The following PRIM2 variants were observed in gnomAD, a reference collection of about 807,000 sequenced individuals.
PRIM2 encodes DNA primase subunit 2, also known as DNA primase large subunit.
A neutral mutation model predicts 67.3 loss-of-function variants in PRIM2; 39 were observed. That is an observed-to-expected ratio of 0.58 (90% confidence interval 0.45 to 0.76). PRIM2 has a LOEUF of 0.76. Among genes scored for constraint, PRIM2 ranks in the 30% least tolerant of loss-of-function variants. The pLI, the probability that PRIM2 is intolerant of heterozygous loss-of-function variation, is 0.00. For missense variants in PRIM2, 398 were observed against 598.7 expected (o/e 0.66, Z 3.50); for synonymous variants, 143 against 198.7 (o/e 0.72, Z 2.36).
At chr6:57,361,770 T>C (rs1769209356) in intron 5 of PRIM2, among the ~76,000 whole-genome samples, 1 of 152,132 alleles carries the variant, frequency 6.6e-6, no homozygotes, top group African/African-American at 2.4e-5. Context: ...CATTGTGTTG[T>C]ATGTTATGGA....
chr6:57,582,762 A>G (rs1370427328), intron 10 of PRIM2, among the ~76,000 whole-genome samples: 85 of 140,752 alleles, frequency 6.0e-4, no homozygotes, highest in African/African-American at 2.4e-3. Context: ...CTCCATTTAT[A>G]ATTTTATAAT....
intron 10 of PRIM2, among the ~76,000 whole-genome samples, chr6:57,598,054 T>C (rs1379362197): frequency 6.6e-6 from 1 of 152,206 alleles, no homozygotes; most frequent in Non-Finnish European, 1.5e-5. Flanking sequence ...GCCATTTCAC[T>C]CTAGTTATTA....
the PRIM2 span, among the ~76,000 whole-genome samples, chr6:57,283,056 G>A: frequency 2.0e-5 from 3 of 152,064 alleles, no homozygotes; most frequent in Admixed American, 1.3e-4. Context: ...TATTGGCACA[G>A]CTATTACTCT....
chr6:57,427,207 T>C (rs1356441177), intron 7 of PRIM2, among the ~76,000 whole-genome samples: 8 of 152,234 alleles, frequency 5.3e-5, no homozygotes, highest in African/African-American at 1.7e-4. Flanking sequence ...GTTTTCTTAT[T>C]TTCCAGATTT....
intron 10 of PRIM2, among the ~76,000 whole-genome samples, chr6:57,567,527 C>A (rs1486324347): frequency 6.6e-6 from 1 of 152,070 alleles, no homozygotes; most frequent in Non-Finnish European, 1.5e-5. Flanking sequence ...CAGGACATAA[C>A]CCCACCATAA....
chr6:57,545,910 T>C (rs1775280936), intron 10 of PRIM2, among the ~76,000 whole-genome samples: 1 of 152,158 alleles, frequency 6.6e-6, no homozygotes, highest in Admixed American at 6.5e-5. Context: ...CCAGTGTAAT[T>C]GTGGCAAGAG....
chr6:57,352,502 G>C (rs1768889880), intron 5 of PRIM2, among the ~76,000 whole-genome samples: 1 of 152,142 alleles, frequency 6.6e-6, no homozygotes, highest in South Asian at 2.1e-4. Context: ...GCCTCCCAAA[G>C]AGCTGGGATT....
intron 10 of PRIM2, among the ~76,000 whole-genome samples, chr6:57,548,376 A>G (rs1181023361): frequency 6.6e-6 from 1 of 152,168 alleles, no homozygotes; most frequent in Non-Finnish European, 1.5e-5. Context: ...GTCAGGAAGG[A>G]AAGAAATAGA....
At position 57,534,092 on chromosome 6, in the gene PRIM2, G is replaced by A. The variant is rs1171353437; in HGVS notation, c.834+1609G>A. 4.6e-5 allele frequency among the ~76,000 whole-genome samples: 7 copies of A among 152,204 alleles called. No homozygotes were observed. The East Asian group carries it at 1.4e-3, about 29-fold the overall frequency. On this transcript the variant is annotated intron_variant, in intron 9 of 13. Coordinates refer to ENST00000615550, the MANE Select transcript of PRIM2 (RefSeq NM_000947.5). ...AACTCTTCTCCAAATGTTTTCTTTA[G>A]TTTTTTCTTCTAACAAATCTGGCTT...
At chr6:57,586,598 G>A (rs1352116967) in intron 10 of PRIM2, among the ~76,000 whole-genome samples, 5 of 152,170 alleles carry the variant, frequency 3.3e-5, no homozygotes, top group African/African-American at 1.2e-4. Flanking sequence ...TATTTGTCTG[G>A]TTTAAAATGG....
intron 7 of PRIM2, among the ~76,000 whole-genome samples, chr6:57,405,951 T>A (rs1264383602): frequency 3.3e-5 from 5 of 152,210 alleles, no homozygotes; most frequent in Non-Finnish European, 2.9e-5. Context: ...TCAACTAAAA[T>A]CAGTTCAGAG....
In PRIM2 at chr6:57,397,300, T is replaced by A. The variant is rs112467062; in HGVS notation, c.693+15132T>A. On this transcript the variant is annotated intron_variant, in intron 7 of 13. Transcript: ENST00000615550. ...GAATTGTCTTCTTTCTCAGGAACACTGATTATTCTTAGGTTTGCTTGTTTA... is the reference window on the plus strand; with the variant it reads ...GAATTGTCTTCTTTCTCAGGAACACAGATTATTCTTAGGTTTGCTTGTTTA... Among the ~76,000 whole-genome samples the A allele has an allele frequency of 1.3e-3, 196 of 152,302 alleles. 3 individuals are homozygous for A. The highest frequency in any genetic ancestry group is 1.8e-4 in the Non-Finnish European group (12 of 68,004).
chr6:57,299,843 A>C, the PRIM2 span, among the ~76,000 whole-genome samples: 1,855 of 152,238 alleles, frequency 0.012, 33 homozygotes, highest in African/African-American at 0.043. Context: ...TGGAATAATA[A>C]ATACATAAAT....
chr6:57,273,290 A>G, the PRIM2 span, among the ~76,000 whole-genome samples: 1 of 152,090 alleles, frequency 6.6e-6, no homozygotes, highest in Non-Finnish European at 1.5e-5. Context: ...TGGTCTTTTC[A>G]CATAGTCCCA....
intron 3 of PRIM2, among the ~76,000 whole-genome samples, chr6:57,322,961 G>A (rs183807569): frequency 4.6e-4 from 70 of 152,228 alleles, no homozygotes; most frequent in African/African-American, 1.5e-3. Context: ...ATTTTGTGTC[G>A]AATCTCAACA....
At chr6:57,231,077 A>G in the PRIM2 span, among the ~76,000 whole-genome samples, 201 of 152,300 alleles carry the variant, frequency 1.3e-3, 3 homozygotes, top group Non-Finnish European at 1.9e-4. Context: ...TTTTTTGGTT[A>G]TCTTAATGAC....
At chr6:57,334,633 G>A (rs74504449) in intron 5 of PRIM2, among the ~76,000 whole-genome samples, 2,608 of 151,950 alleles carry the variant, frequency 0.017, 34 homozygotes, top group Non-Finnish European at 0.029. Context: ...GCCCACCCTG[G>A]GCTACAGAAC....
intron 5 of PRIM2, among the ~76,000 whole-genome samples, chr6:57,362,030 CAT>C (rs1271350083): frequency 6.6e-6 from 1 of 152,078 alleles, no homozygotes; most frequent in Non-Finnish European, 1.5e-5. Context: ...GATGGAATAT[CAT>C]GTGCCAACTG....
the PRIM2 span, among the ~76,000 whole-genome samples, chr6:57,255,333 C>T: frequency 1.3e-4 from 19 of 151,926 alleles, no homozygotes; most frequent in Non-Finnish European, 1.5e-4. Flanking sequence ...CCTGTCTCTA[C>T]TAAAAATACA....
Sources: gnomAD v4.1 joint callset for allele counts (sites outside exome capture counted in the v4.1 genomes callset) on GRCh38, gnomAD v4.1.1 for gene constraint, MANE v1.5 for transcripts, NCBI Gene and HGNC (gene_info 2026-07-23, HGNC 2026-07-21) for gene names.